Variants in PWWP2A observed in about 807,000 individuals in gnomAD.
PWWP2A encodes the protein PWWP domain containing 2A.
In PWWP2A, 18 loss-of-function variants were observed where a neutral mutation model predicts 48.5. That is an observed-to-expected ratio of 0.37 (90% CI 0.26 to 0.55). PWWP2A has a LOEUF of 0.55. Ranked by LOEUF, PWWP2A falls within the 20% of genes least tolerant of loss-of-function variation. PWWP2A has a pLI of 0.81. For synonymous variants in PWWP2A, 396 were observed against 387.7 expected, an observed-to-expected ratio of 1.02 and a Z score of -0.25; for missense variants, 867 against 976.4, an observed-to-expected ratio of 0.89 and a Z score of 1.49.
At chr5:160,063,995 G>T (rs956491062) in intron 4 of PWWP2A, among the ~76,000 whole-genome samples, 14 of 144,316 alleles carry the variant, frequency 9.7e-5, no homozygotes, top group Admixed American at 4.2e-4. Context: ...TTGAGACGGA[G>T]TCTCACTCTG....
Position 160,119,271 on chromosome 5 carries a change from G to T in PWWP2A, c.118C>A (p.Leu40Ile). The T allele has an allele frequency of 7.1e-7, 1 of 1,402,270 alleles. No individual in the cohort carries two copies. Among genetic ancestry groups the T allele is most frequent in the Non-Finnish European group, 9.2e-7 (1 of 1,088,212 alleles). The allele number at this position is 1,402,270 out of a possible 1,614,324, so 86.9% of individuals were successfully genotyped here. A position where few individuals can be genotyped will look rare whatever the true frequency, so the allele number is the denominator to read the frequency against. ...IPGSEAGTDP[L>I]PVTATEASVP... is the part of the protein sequence containing the mutation. ...GACGCTTCAGTGGCCGTGACCGGGA[G>T]GGGGTCAGTGCCGGCCTCACTGCCG... Residue 40 changes from leucine (L) to isoleucine (I), a missense_variant, in exon 1 of 2, where the codon CTC becomes ATC. Leu to Ile is a conservative substitution (Grantham distance 5). Coordinates refer to ENST00000307063, the MANE Select transcript of PWWP2A (RefSeq NM_001130864.2).
intron 2 of PWWP2A, among the ~76,000 whole-genome samples, chr5:160,068,058 G>A (rs900756525): frequency 4.6e-5 from 7 of 152,220 alleles, no homozygotes; most frequent in Admixed American, 2.0e-4. Flanking sequence ...GCACATGCCT[G>A]TAATCCCAGC....
the PWWP2A span, among the ~76,000 whole-genome samples, chr5:160,047,147 G>A: frequency 6.6e-6 from 1 of 152,146 alleles, no homozygotes; most frequent in Non-Finnish European, 1.5e-5. Flanking sequence ...CAGAGTTTCT[G>A]TCTTCAACTC....
At chr5:160,108,757 T>C (rs150821942) in intron 1 of PWWP2A, 262 of 403,172 alleles carry the variant, frequency 6.5e-4, no homozygotes, top group African/African-American at 5.1e-3. Context: ...AGTACCCCCA[T>C]GTACACACAC....
At chr5:160,048,262 A>C in the PWWP2A span, among the ~76,000 whole-genome samples, 1 of 146,668 alleles carries the variant, frequency 6.8e-6, no homozygotes, top group Admixed American at 7.2e-5. Flanking sequence ...AGTGATTCTT[A>C]TGCCTAAACC....
rs1158405471 is a variant in PWWP2A at position 160,094,071 on chromosome 5, A to G, written c.585-6T>C. 6.4e-7 allele frequency: 1 copy of G among 1,570,724 alleles called. No homozygotes were observed. Among genetic ancestry groups the G allele is most frequent in the African/African-American group, 1.4e-5 (1 of 73,176 alleles). ...GGATACCATGGGGCCCAAACCTTTG[A>G]AAGAAATGGAAGAAAAAAAGAAGAC... On this transcript the variant is annotated splice_region_variant and splice_polypyrimidine_tract_variant and intron_variant, in intron 1 of 1. Transcript: ENST00000307063.
In PWWP2A at chr5:160,092,137, G is replaced by A. The variant is rs1004614976; in HGVS notation, c.*245C>T. 4.0e-6 allele frequency: 5 copies of A among 1,238,048 alleles called. No individual in the cohort carries two copies. The South Asian group carries it at 1.0e-4, about 25-fold the overall frequency. The allele number at this position is 1,238,048 out of a possible 1,614,324, so 76.7% of individuals were successfully genotyped here. A position where few individuals can be genotyped will look rare whatever the true frequency, so the allele number is the denominator to read the frequency against. On this transcript the variant is annotated 3_prime_UTR_variant, in exon 2 of 2. Transcript: ENST00000307063. The stretch of plus-strand genomic sequence containing the variant: ...TGAGGCTATGGCTCCTATGCCTTGG[G>A]ATGGTTTCGAACTTCAAAACTGAAA...
chr5:160,060,538 GA>G (rs1301350411), downstream of PWWP2A, among the ~76,000 whole-genome samples: 1 of 152,142 alleles, frequency 6.6e-6, no homozygotes. Context: ...GCTGTAGGTG[GA>G]AACAAGGAAA....
chr5:160,078,251 C>A lies in PWWP2A; in HGVS notation c.1670-83G>T, dbSNP rs371198167. The A allele has an allele frequency of 4.3e-4, 486 of 1,142,208 alleles. 1 individual carries two copies. Among genetic ancestry groups the A allele is most frequent in the Admixed American group, 4.0e-4 (20 of 50,214 alleles). 70.8% of individuals were successfully genotyped at this position (1,142,208 alleles called of 1,614,324 possible). A position where few individuals can be genotyped will look rare whatever the true frequency, so the allele number is the denominator to read the frequency against. On this transcript the variant is annotated intron_variant, in intron 3 of 3. Coordinates refer to the PWWP2A transcript ENST00000456329. The surrounding 1 kb of genome is among the most constrained non-coding windows in gnomAD (Gnocchi z 4.2). The stretch of plus-strand genomic sequence containing the variant: ...GAAAATGATGTCCTTGTTGTTTAAG[C>A]CCTACATAGATTGTGGGATCACACC...
intron 2 of PWWP2A, among the ~76,000 whole-genome samples, chr5:160,082,097 A>G (rs1025237767): frequency 6.6e-6 from 1 of 152,216 alleles, no homozygotes; most frequent in Non-Finnish European, 1.5e-5. Context: ...TTAATATACT[A>G]TCAACTATAA....
intron 3 of PWWP2A, among the ~76,000 whole-genome samples, chr5:160,080,399 G>T (rs1369145827): frequency 6.6e-6 from 1 of 152,164 alleles, no homozygotes; most frequent in East Asian, 1.9e-4. Flanking sequence ...CACCCTAAGA[G>T]AATCTGCTCT....
At chr5:160,090,631 A>G (rs1754986512), downstream of PWWP2A, 27 of 984,058 alleles carry the variant, frequency 2.7e-5, no homozygotes, top group East Asian at 1.1e-4. Flanking sequence ...AAAATTCGCA[A>G]TCAGTCAATA....
chr5:160,101,902 G>A (rs1581233042), intron 1 of PWWP2A, among the ~76,000 whole-genome samples: 1 of 152,024 alleles, frequency 6.6e-6, no homozygotes, highest in African/African-American at 2.4e-5. Context: ...CTGAAGTCAG[G>A]AGTTCGAGAC....
At chr5:160,049,275 C>T in the PWWP2A span, among the ~76,000 whole-genome samples, 5 of 152,176 alleles carry the variant, frequency 3.3e-5, no homozygotes, top group Non-Finnish European at 7.3e-5. Context: ...TGTGCCTGCT[C>T]TCGTGCTACA....
At chr5:160,108,802 G>A (rs1757155289) in intron 1 of PWWP2A, among the ~76,000 whole-genome samples, 1 of 152,132 alleles carries the variant, frequency 6.6e-6, no homozygotes, top group Non-Finnish European at 1.5e-5. Flanking sequence ...CTGAAATACA[G>A]CTAGCTACCC....
Position 160,119,449 on chromosome 5 carries a change from T to C in PWWP2A, c.-61A>G. On this transcript the variant is annotated 5_prime_UTR_variant, in exon 1 of 2. Coordinates refer to ENST00000307063, the MANE Select transcript of PWWP2A (RefSeq NM_001130864.2). ...GCAGCGGCGGCGGCGACAGCGCTGC[T>C]TGGTTCCCTGGGCCTTCCCCTCCCT... The C allele has an allele frequency of 1.5e-6, 2 of 1,350,060 alleles. No individual in the cohort carries two copies. The highest frequency in any genetic ancestry group is 1.9e-6 in the Non-Finnish European group (2 of 1,057,238). 83.6% of individuals were successfully genotyped at this position (1,350,060 alleles called of 1,614,324 possible).
At chr5:160,103,543 C>A (rs116662512) in intron 1 of PWWP2A, among the ~76,000 whole-genome samples, 1 of 152,030 alleles carries the variant, frequency 6.6e-6, no homozygotes, top group Non-Finnish European at 1.5e-5. Context: ...TTACAGTCTT[C>A]GGAAGGAAAT....
chr5:160,108,759 TACAC>T, intron 1 of PWWP2A: 2 of 400,022 alleles, frequency 5.0e-6, no homozygotes, highest in East Asian at 1.4e-4. Flanking sequence ...TACCCCCATG[TACAC>T]ACACACAGTA....
chr5:160,114,724 T>C (rs1166491338), intron 1 of PWWP2A, among the ~76,000 whole-genome samples: 5 of 145,426 alleles, frequency 3.4e-5, no homozygotes, highest in South Asian at 2.2e-4. Context: ...GATTGTGCCA[T>C]TGCACTCCAG....
Sources: gnomAD v4.1 joint callset for allele counts (sites outside exome capture counted in the v4.1 genomes callset) on GRCh38, gnomAD v4.1.1 for gene constraint, Gnocchi (gnomAD v3.1) non-coding constraint, MANE v1.5 for transcripts, NCBI Gene and HGNC (gene_info 2026-07-23, HGNC 2026-07-21) for gene names.